UBE2M: variants seen among roughly 807,000 people sequenced by gnomAD.
The protein encoded by UBE2M is NEDD8-conjugating enzyme Ubc12.
In UBE2M, 2 loss-of-function variants were observed where a neutral mutation model predicts 23.5. That is an observed-to-expected ratio of 0.09 (90% CI 0.03 to 0.27). The LOEUF is 0.27. Among genes scored for constraint, UBE2M ranks in the 10% least tolerant of loss-of-function variants. The pLI is 1.00. For missense variants in UBE2M, 103 were observed against 232.9 expected, an observed-to-expected ratio of 0.44 and a Z score of 3.63; for synonymous variants, 97 against 95.2, an observed-to-expected ratio of 1.02 and a Z score of -0.11.
At chr19:58,557,950 C>T (rs550816205) in intron 1 of UBE2M, among the ~76,000 whole-genome samples, 1 of 152,066 alleles carries the variant, frequency 6.6e-6, no homozygotes, top group African/African-American at 2.4e-5. Context: ...TCACCCCAAA[C>T]CCAAGTTCCC....
intron 1 of UBE2M, among the ~76,000 whole-genome samples, chr19:58,557,529 C>T (rs1471422034): frequency 6.6e-6 from 1 of 151,924 alleles, no homozygotes; most frequent in African/African-American, 2.4e-5. Flanking sequence ...ACAGTATCTA[C>T]CTGTTCACCC....
At position 58,555,824 on chromosome 19, in the gene UBE2M, G is replaced by T; in HGVS notation, c.*265C>A. The stretch of plus-strand genomic sequence containing the variant: ...CCACCCACTCCACAGCCCAGAGTGG[G>T]GGCTGAACAAGCACCCAGCAGGGGG... On this transcript the variant is annotated 3_prime_UTR_variant, in exon 6 of 6. Coordinates refer to ENST00000253023, the MANE Select transcript of UBE2M (RefSeq NM_003969.4). The T allele has an allele frequency of 1.9e-6, 1 of 522,934 alleles. No homozygotes were observed. The highest frequency in any genetic ancestry group is 2.2e-5 in the South Asian group (1 of 46,130). The allele number at this position is 522,934 out of a possible 1,614,324, so 32.4% of individuals were successfully genotyped here. A position where few individuals can be genotyped will look rare whatever the true frequency, so the allele number is the denominator to read the frequency against.
At position 58,556,619 on chromosome 19, in the gene UBE2M, C is replaced by T; in HGVS notation, c.347+68G>A. On this transcript the variant is annotated intron_variant, in intron 4 of 5. Coordinates refer to ENST00000253023, the MANE Select transcript of UBE2M (RefSeq NM_003969.4). This position sits in a 1 kb window ranked among gnomAD's most constrained non-coding sequence, Gnocchi z 4.9. Reference sequence around the variant, plus strand: ...GGAAGGGACAGAGTCTGATGTAGTGCCCACAAGACCATGAGGGAGGCCTGG... The same window carrying T: ...GGAAGGGACAGAGTCTGATGTAGTGTCCACAAGACCATGAGGGAGGCCTGG... 7.4e-7 allele frequency: 1 copy of T among 1,347,536 alleles called. No homozygotes were observed. Among genetic ancestry groups the T allele is most frequent in the Non-Finnish European group, 1.0e-6 (1 of 984,044 alleles). 83.5% of individuals were successfully genotyped at this position (1,347,536 alleles called of 1,614,324 possible).
In UBE2M at chr19:58,556,575, C is replaced by T. The variant is rs2053891987; in HGVS notation, c.347+112G>A. 1 of 1,159,674 alleles carries T rather than the reference C, an allele frequency of 8.6e-7. No individual in the cohort carries two copies. Among genetic ancestry groups the T allele is most frequent in the Admixed American group, 2.7e-5 (1 of 37,036 alleles). 71.8% of individuals were successfully genotyped at this position (1,159,674 alleles called of 1,614,324 possible). ...GAAGATGACTGGGAAATCAAGAAAC[C>T]ACAGACAACAAAGGGGTGGGAAGGG... On this transcript the variant is annotated intron_variant, in intron 4 of 5. Coordinates refer to ENST00000253023, the MANE Select transcript of UBE2M (RefSeq NM_003969.4). The surrounding 1 kb of genome is among the most constrained non-coding windows in gnomAD (Gnocchi z 4.9).
At position 58,558,149 on chromosome 19, in the gene UBE2M, CA is replaced by C; in HGVS notation, c.109+123del. On this transcript the variant is annotated intron_variant, in intron 1 of 5. Transcript: ENST00000253023. This position sits in a 1 kb window ranked among gnomAD's most constrained non-coding sequence, Gnocchi z 4.7. ...TCAAGACTTGACCTCCGACCCCCCCCACGCTCGGGGCCCTTCACCTCTGACC... is the reference window on the plus strand; with the variant it reads ...TCAAGACTTGACCTCCGACCCCCCCCCGCTCGGGGCCCTTCACCTCTGACC... 1 of 777,272 alleles carries C rather than the reference CA, an allele frequency of 1.3e-6. No individual in the cohort carries two copies. The highest frequency in any genetic ancestry group is 2.0e-6 in the Non-Finnish European group (1 of 500,388). The allele number at this position is 777,272 out of a possible 1,614,324, so 48.1% of individuals were successfully genotyped here. A position where few individuals can be genotyped will look rare whatever the true frequency, so the allele number is the denominator to read the frequency against.
At position 58,557,121 on chromosome 19, in the gene UBE2M, A is replaced by G; in HGVS notation, c.146T>C (p.Ile49Thr). The G allele has an allele frequency of 1.2e-6, 2 of 1,614,008 alleles. No individual in the cohort carries two copies. The highest frequency in any genetic ancestry group is 8.5e-7 in the Non-Finnish European group (1 of 1,179,974). Residue 49 changes from isoleucine (I) to threonine (T), a missense_variant, in exon 2 of 6, where the codon ATC (isoleucine) becomes ACC (threonine). Ile to Thr is a moderately conservative substitution (Grantham distance 89). Coordinates refer to ENST00000253023, the MANE Select transcript of UBE2M (RefSeq NM_003969.4). ...GAGGTCGTCTGGATCTGAGAAGCTG[A>G]TATCACACGTCTTGGGCAGGTTCAG... ...NELNLPKTCD[I>T]SFSDPDDLLN...
intron 1 of UBE2M, 127 bp from the exon 2 acceptor site, chr19:58,557,284 A>T: frequency 1.1e-6 from 1 of 931,622 alleles, no homozygotes; most frequent in Non-Finnish European, 1.7e-6. Flanking sequence ...CTGGACCCCC[A>T]GGCGCCTCTC....
Position 58,557,305 on chromosome 19 carries a change from C to T in UBE2M, c.110-148G>A, listed in dbSNP as rs563370008. 1.9e-3 allele frequency: 1,392 copies of T among 743,208 alleles called. 3 individuals carry two copies. Among genetic ancestry groups the T allele is most frequent in the Non-Finnish European group, 2.9e-3 (1,239 of 422,840 alleles). 46.0% of individuals were successfully genotyped at this position (743,208 alleles called of 1,614,324 possible). On this transcript the variant is annotated intron_variant, in intron 1 of 5. Transcript: ENST00000253023. ...CCCCAGGCGCCTCTCCTGGGCTGTG[C>T]TCCACACCTCCAGCCCTCTCCCTGC...
Position 58,556,985 on chromosome 19 carries a change from T to A in UBE2M, c.205-55A>T. ...TAGGGTTCCATCCTGTGGGGCCCGATGGGCAGAACATGTCTCCCTCCTCTC... is the reference window on the plus strand; with the variant it reads ...TAGGGTTCCATCCTGTGGGGCCCGAAGGGCAGAACATGTCTCCCTCCTCTC... On this transcript the variant is annotated intron_variant, in intron 2 of 5. Transcript: ENST00000253023. This position sits in a 1 kb window ranked among gnomAD's most constrained non-coding sequence, Gnocchi z 4.9. The A allele has an allele frequency of 6.2e-7, 1 of 1,613,702 alleles. No homozygotes were observed. Among genetic ancestry groups the A allele is most frequent in the East Asian group, 2.2e-5 (1 of 44,896 alleles).
rs1265697293 is a variant in UBE2M, at chr19:58,556,258, A to C, written c.412-29T>G. The C allele has an allele frequency of 2.5e-6, 4 of 1,613,894 alleles. No individual in the cohort carries two copies. Among genetic ancestry groups the C allele is most frequent in the Non-Finnish European group, 3.4e-6 (4 of 1,179,788 alleles). ...TGGCCAGTACAGGTAGGGGGGGTCA[A>C]CAGGCCAGAGGGACAGAAGGCCAAT... is the stretch of plus-strand genomic sequence containing the variant. On this transcript the variant is annotated intron_variant, in intron 5 of 5. Coordinates refer to ENST00000253023, the MANE Select transcript of UBE2M (RefSeq NM_003969.4). The surrounding 1 kb of genome is among the most constrained non-coding windows in gnomAD (Gnocchi z 4.9).
In UBE2M at chr19:58,558,183, A is replaced by G; in HGVS notation, c.109+90T>C. On this transcript the variant is annotated intron_variant, in intron 1 of 5. Coordinates refer to ENST00000253023, the MANE Select transcript of UBE2M (RefSeq NM_003969.4). The surrounding 1 kb of genome is among the most constrained non-coding windows in gnomAD (Gnocchi z 4.7). Reference sequence around the variant, plus strand: ...GGCCCTTCACCTCTGACCCTCAGCAACCGCATTACCCCTTCCTGACTCCCA... The same window carrying G: ...GGCCCTTCACCTCTGACCCTCAGCAGCCGCATTACCCCTTCCTGACTCCCA... The G allele has an allele frequency of 9.0e-7, 1 of 1,111,532 alleles. No individual in the cohort carries two copies. The highest frequency in any genetic ancestry group is 3.6e-5 in the East Asian group (1 of 27,508). 68.9% of individuals were successfully genotyped at this position (1,111,532 alleles called of 1,614,324 possible). A position where few individuals can be genotyped will look rare whatever the true frequency, so the allele number is the denominator to read the frequency against.
Position 58,556,574 on chromosome 19 carries a change from C to T in UBE2M, c.347+113G>A. On this transcript the variant is annotated intron_variant, in intron 4 of 5. Coordinates refer to ENST00000253023, the MANE Select transcript of UBE2M (RefSeq NM_003969.4). This position sits in a 1 kb window ranked among gnomAD's most constrained non-coding sequence, Gnocchi z 4.9. ...GGAAGATGACTGGGAAATCAAGAAA[C>T]CACAGACAACAAAGGGGTGGGAAGG... 1 of 1,154,466 alleles carries T rather than the reference C, an allele frequency of 8.7e-7. No individual in the cohort carries two copies. The highest frequency in any genetic ancestry group is 1.2e-6 in the Non-Finnish European group (1 of 820,942). The allele number at this position is 1,154,466 out of a possible 1,614,324, so 71.5% of individuals were successfully genotyped here.
chr19:58,556,600 G>C lies in UBE2M; in HGVS notation c.347+87C>G. Reference sequence around the variant, plus strand: ...CACAGACAACAAAGGGGTGGGAAGGGACAGAGTCTGATGTAGTGCCCACAA... The same window carrying C: ...CACAGACAACAAAGGGGTGGGAAGGCACAGAGTCTGATGTAGTGCCCACAA... On this transcript the variant is annotated intron_variant, in intron 4 of 5. Coordinates refer to ENST00000253023, the MANE Select transcript of UBE2M (RefSeq NM_003969.4). This position sits in a 1 kb window ranked among gnomAD's most constrained non-coding sequence, Gnocchi z 4.9. 8.1e-7 allele frequency: 1 copy of C among 1,234,526 alleles called. No homozygotes were observed. 76.5% of individuals were successfully genotyped at this position (1,234,526 alleles called of 1,614,324 possible). A position where few individuals can be genotyped will look rare whatever the true frequency, so the allele number is the denominator to read the frequency against.
chr19:58,555,720 C>G lies in UBE2M; in HGVS notation c.*369G>C. 1 of 268,460 alleles carries G rather than the reference C, an allele frequency of 3.7e-6. No homozygotes were observed. Among genetic ancestry groups the G allele is most frequent in the South Asian group, 4.5e-5 (1 of 22,006 alleles). 16.6% of individuals were successfully genotyped at this position (268,460 alleles called of 1,614,324 possible). On this transcript the variant is annotated 3_prime_UTR_variant, in exon 6 of 6. Transcript: ENST00000253023. ...GTAAGAAGCAGAGGCCATGCAGTAA[C>G]ATTCCCCTTTAATAGCCTGGTGGGA... is the stretch of plus-strand genomic sequence containing the variant.
Position 58,556,218 on chromosome 19 carries a change from G to A in UBE2M, c.423C>T (p.Pro141=), listed in dbSNP as rs8105097. 22,152 of 1,614,102 alleles carry A rather than the reference G, an allele frequency of 0.014. 2,143 individuals are homozygous for A. In the African/African-American group the frequency reaches 0.23, roughly 17 times the overall value. ...GLQYLFLEPN[P]EDPLNKEAAE... ...CGGCCTCCTTGTTCAGTGGGTCCTC[G>A]GGGTTGGGCTCCTGTGGCCAGTACA... The change falls in exon 6 of 6, where the codon CCC becomes CCT. Residue 141 remains proline (P), a synonymous_variant. Transcript: ENST00000253023. This position sits in a 1 kb window ranked among gnomAD's most constrained non-coding sequence, Gnocchi z 4.9.
In UBE2M at chr19:58,556,497, G is replaced by T; in HGVS notation, c.348-118C>A. 1 of 1,207,870 alleles carries T rather than the reference G, an allele frequency of 8.3e-7. No individual in the cohort carries two copies. The allele number at this position is 1,207,870 out of a possible 1,614,324, so 74.8% of individuals were successfully genotyped here. A position where few individuals can be genotyped will look rare whatever the true frequency, so the allele number is the denominator to read the frequency against. On this transcript the variant is annotated intron_variant, in intron 4 of 5. Transcript: ENST00000253023. This position sits in a 1 kb window ranked among gnomAD's most constrained non-coding sequence, Gnocchi z 4.9. ...AGAGTGAGCATGTGAGAGGCTGGGA[G>T]GGAGGGTGTGGAGCAGGACAGGCCA...
Position 58,555,821 on chromosome 19 carries a change from TGGGGGCTGAACAAGCACCCAGCAG to T in UBE2M, c.*244_*267del, listed in dbSNP as rs1427434638. On this transcript the variant is annotated 3_prime_UTR_variant, in exon 6 of 6. Coordinates refer to ENST00000253023, the MANE Select transcript of UBE2M (RefSeq NM_003969.4). ...TGCCCACCCACTCCACAGCCCAGAG[TGGGGGCTGAACAAGCACCCAGCAG>T]GGGGGCTAGACAAGCCAATTCATTT... The T allele has an allele frequency of 6.0e-6, 3 of 501,034 alleles. No individual in the cohort carries two copies. Among genetic ancestry groups the T allele is most frequent in the Non-Finnish European group, 1.1e-5 (3 of 277,000 alleles). 31.0% of individuals were successfully genotyped at this position (501,034 alleles called of 1,614,324 possible).
In UBE2M at chr19:58,556,493, G is replaced by A; in HGVS notation, c.348-114C>T. Reference sequence around the variant, plus strand: ...TAGGAGAGTGAGCATGTGAGAGGCTGGGAGGGAGGGTGTGGAGCAGGACAG... The same window carrying A: ...TAGGAGAGTGAGCATGTGAGAGGCTAGGAGGGAGGGTGTGGAGCAGGACAG... On this transcript the variant is annotated intron_variant, in intron 4 of 5. Coordinates refer to ENST00000253023, the MANE Select transcript of UBE2M (RefSeq NM_003969.4). This position sits in a 1 kb window ranked among gnomAD's most constrained non-coding sequence, Gnocchi z 4.9. 1.6e-6 allele frequency: 2 copies of A among 1,228,672 alleles called. No individual in the cohort carries two copies. Among genetic ancestry groups the A allele is most frequent in the East Asian group, 2.5e-5 (1 of 40,548 alleles). The allele number at this position is 1,228,672 out of a possible 1,614,324, so 76.1% of individuals were successfully genotyped here. A position where few individuals can be genotyped will look rare whatever the true frequency, so the allele number is the denominator to read the frequency against.
rs1192210001 is a variant in UBE2M, at chr19:58,556,830, G to A, written c.244-40C>T. 6.2e-7 allele frequency: 1 copy of A among 1,612,840 alleles called. No individual in the cohort carries two copies. Among genetic ancestry groups the A allele is most frequent in the Non-Finnish European group, 8.5e-7 (1 of 1,179,390 alleles). On this transcript the variant is annotated intron_variant, in intron 3 of 5. Coordinates refer to ENST00000253023, the MANE Select transcript of UBE2M (RefSeq NM_003969.4). The surrounding 1 kb of genome is among the most constrained non-coding windows in gnomAD (Gnocchi z 4.9). ...AGAAAAGAGAGATGGGTAGGTGCCT[G>A]GAAGGGCCTCAGCTGCTGCCTCCTC...
Sources: gnomAD v4.1 joint callset for allele counts (sites outside exome capture counted in the v4.1 genomes callset) on GRCh38, gnomAD v4.1.1 for gene constraint, Gnocchi (gnomAD v3.1) non-coding constraint, MANE v1.5 for transcripts, NCBI Gene and HGNC (gene_info 2026-07-23, HGNC 2026-07-21) for gene names.